Variants in TUT4 observed in about 807,000 individuals in gnomAD.
The protein encoded by TUT4 is terminal uridylyltransferase 4.
In TUT4, 36 loss-of-function variants were observed where a neutral mutation model predicts 192.2. The ratio of observed to expected loss-of-function variants is 0.19; its 90% CI spans 0.14 to 0.25. The LOEUF is 0.25. Ranked by LOEUF, TUT4 falls within the 10% of genes least tolerant of loss-of-function variation. The pLI is 1.00. For missense variants in TUT4, 1,493 were observed against 1,957.2 expected, an observed-to-expected ratio of 0.76 and a Z score of 4.47; for synonymous variants, 618 against 666.0, an observed-to-expected ratio of 0.93 and a Z score of 1.11.
At chr1:52,493,573 T>TAAAAAAAAAAAAAAAA in intron 7 of TUT4, 38 bp downstream of exon 7, 3 of 1,043,330 alleles carry the variant, frequency 2.9e-6, no homozygotes, top group Non-Finnish European at 1.3e-6. Flanking sequence ...AAAGACAAAT[T>TAAAAAAAAAAAAAAAA]AAAAAAAAAA....
intron 7 of TUT4, among the ~76,000 whole-genome samples, chr1:52,491,312 C>T (rs931740707): frequency 2.6e-5 from 4 of 152,102 alleles, no homozygotes; most frequent in Admixed American, 6.5e-5. Context: ...AAGGACTAAC[C>T]GGATGAAGCA....
upstream of TUT4, chr1:52,553,225 G>A (rs972254978): frequency 6.6e-6 from 1 of 152,530 alleles, no homozygotes; most frequent in Non-Finnish European, 1.5e-5. Context: ...AGAGGACAGA[G>A]CCTGTAATGG....
chr1:52,521,669 CA>C (rs1680315972), intron 2 of TUT4, among the ~76,000 whole-genome samples: 1 of 147,824 alleles, frequency 6.8e-6, no homozygotes, highest in African/African-American at 2.5e-5. Flanking sequence ...TCTCAAAAAA[CA>C]ACAAAAAAAA....
chr1:52,485,956 CATA>C (rs1054877557), intron 9 of TUT4, among the ~76,000 whole-genome samples: 1 of 151,926 alleles, frequency 6.6e-6, no homozygotes, highest in African/African-American at 2.4e-5. Flanking sequence ...TATACCGTAG[CATA>C]ATATCTTGGT....
At chr1:52,453,080 G>C (rs1186506607) in intron 20 of TUT4, among the ~76,000 whole-genome samples, 1 of 152,114 alleles carries the variant, frequency 6.6e-6, no homozygotes, top group East Asian at 1.9e-4. Context: ...TGTTGAGTAA[G>C]AGAATAGAAA....
At chr1:52,553,189 CG>C (rs564379921), upstream of TUT4, 1 of 145,314 alleles carries the variant, frequency 6.9e-6, no homozygotes, top group East Asian at 2.0e-4. Flanking sequence ...CGAGGGAGAG[CG>C]GTTGCCGGGG....
rs755121190 is a variant in TUT4, at chr1:52,515,991, G to A, written c.782C>T (p.Ala261Val). 5 of 1,613,172 alleles carry A rather than the reference G, an allele frequency of 3.1e-6. No individual in the cohort carries two copies. The African/African-American group carries it at 4.0e-5, about 13-fold the overall frequency. Residue 261 changes from alanine (A) to valine (V), a missense_variant, in exon 3 of 30, where the codon GCC becomes GTC. Physicochemically the swap from Ala to Val is moderately conservative, Grantham distance 64. Transcript: ENST00000257177. ...NSSEMDYLEN[A>V]TVIDESALTP... ...CAATGCAGATTCATCTATCACAGTG[G>A]CATTTTCTAAGTAGTCCATCTCTGA...
chr1:52,463,138 C>A (rs1320388404), intron 16 of TUT4: 1 of 982,486 alleles, frequency 1.0e-6, no homozygotes, highest in Non-Finnish European at 1.2e-6. Context: ...TTCATTGTTT[C>A]AACTTCCCAG....
chr1:52,482,290 A>G (rs556137985), intron 9 of TUT4, among the ~76,000 whole-genome samples: 1 of 152,170 alleles, frequency 6.6e-6, no homozygotes, highest in South Asian at 2.1e-4. Context: ...ATACACATAC[A>G]TTTCTATTTC....
intron 1 of TUT4, among the ~76,000 whole-genome samples, chr1:52,552,257 G>A (rs1177796014): frequency 2.0e-5 from 3 of 152,182 alleles, no homozygotes; most frequent in Non-Finnish European, 2.9e-5. Flanking sequence ...ACAGGAGTCT[G>A]AAACCCTTCG....
chr1:52,438,314 C>T lies in TUT4; in HGVS notation c.3844G>A (p.Val1282Ile). ...REAEYFFDSR[V>I]LTDGELAPND... ...GGAGCCAGTTCTCCATCTGTTAATACTCTGGAATCAAAGAAGTACTCCTAG... is the reference window on the plus strand; with the variant it reads ...GGAGCCAGTTCTCCATCTGTTAATATTCTGGAATCAAAGAAGTACTCCTAG... Residue 1282 changes from valine to isoleucine, a missense_variant, in exon 25 of 30, where the codon GTA (valine) becomes ATA (isoleucine). Physicochemically the swap from Val to Ile is conservative, Grantham distance 29. Coordinates refer to ENST00000257177, the MANE Select transcript of TUT4 (RefSeq NM_001009881.3). 2.5e-6 allele frequency: 4 copies of T among 1,612,886 alleles called. No individual in the cohort carries two copies. The highest frequency in any genetic ancestry group is 3.4e-6 in the Non-Finnish European group (4 of 1,179,608).
intron 20 of TUT4, among the ~76,000 whole-genome samples, chr1:52,453,048 A>G (rs1323114335): frequency 6.6e-6 from 1 of 152,226 alleles, no homozygotes; most frequent in East Asian, 1.9e-4. Context: ...ATTTGGTCAC[A>G]GAAGTCTTCT....
intron 20 of TUT4, among the ~76,000 whole-genome samples, chr1:52,449,915 A>C (rs532115901): frequency 2.6e-5 from 4 of 152,338 alleles, no homozygotes; most frequent in African/African-American, 9.6e-5. Flanking sequence ...CACTTAGCAT[A>C]ATGTCCTCAA....
At chr1:52,438,710 C>T (rs1186643904) in intron 24 of TUT4, among the ~76,000 whole-genome samples, 1 of 152,172 alleles carries the variant, frequency 6.6e-6, no homozygotes, top group Non-Finnish European at 1.5e-5. Context: ...CTAAGTCTGT[C>T]TCACAACAAA....
At position 52,438,160 on chromosome 1, in the gene TUT4, G is replaced by A. The variant is rs149988790; in HGVS notation, c.3938+60C>T. 111 of 1,268,584 alleles carry A rather than the reference G, an allele frequency of 8.7e-5. No homozygotes were observed. The African/African-American group carries it at 1.4e-3, about 16-fold the overall frequency. The allele number at this position is 1,268,584 out of a possible 1,614,324, so 78.6% of individuals were successfully genotyped here. Reference sequence around the variant, plus strand: ...TTAAACATTTCTGAACATAATTATAGCTACAAATTGGCCTCTCATTTATTT... The same window carrying A: ...TTAAACATTTCTGAACATAATTATAACTACAAATTGGCCTCTCATTTATTT... On this transcript the variant is annotated intron_variant, in intron 25 of 29. Transcript: ENST00000257177.
chr1:52,466,533 G>A (rs1354838087), intron 15 of TUT4, among the ~76,000 whole-genome samples: 1 of 151,042 alleles, frequency 6.6e-6, no homozygotes, highest in African/African-American at 2.4e-5. Context: ...AGCTACTCAG[G>A]AGACTAAGGT....
rs201195865 is a variant in TUT4 at position 52,445,875 on chromosome 1, A to T, written c.3740-6T>A. ...TTTCATGATGAAATTGGTCACTATT[A>T]AAGAAAGAAGAAAACAATAAAGATG... On this transcript the variant is annotated splice_region_variant and splice_polypyrimidine_tract_variant and intron_variant, in intron 23 of 29. Coordinates refer to ENST00000257177, the MANE Select transcript of TUT4 (RefSeq NM_001009881.3). 8 of 1,608,408 alleles carry T rather than the reference A, an allele frequency of 5.0e-6. No homozygotes were observed. In the East Asian group the frequency reaches 1.8e-4, roughly 36 times the overall value.
At chr1:52,498,261 T>G (rs1204071341) in intron 4 of TUT4, among the ~76,000 whole-genome samples, 2 of 147,676 alleles carry the variant, frequency 1.4e-5, no homozygotes, top group Non-Finnish European at 3.0e-5. Context: ...TTTTTTTTTT[T>G]GAGACAGAGT....
At chr1:52,538,783 A>G (rs1288789952) in intron 1 of TUT4, 1 of 152,224 alleles carries the variant, frequency 6.6e-6, no homozygotes, top group Non-Finnish European at 1.5e-5. Flanking sequence ...TTATTCTAAA[A>G]ATGATGATGC....
Sources: gnomAD v4.1 joint callset for allele counts (sites outside exome capture counted in the v4.1 genomes callset) on GRCh38, gnomAD v4.1.1 for gene constraint, MANE v1.5 for transcripts, NCBI Gene and HGNC (gene_info 2026-07-23, HGNC 2026-07-21) for gene names.